SLC5A1: variants seen among roughly 807,000 people sequenced by gnomAD.
The protein encoded by SLC5A1 is solute carrier family 5 member 1, also known as sodium/glucose cotransporter 1.
A neutral mutation model predicts 73.5 loss-of-function variants in SLC5A1; 42 were observed. The ratio of observed to expected loss-of-function variants is 0.57; its 90% CI spans 0.45 to 0.74. The LOEUF (loss-of-function observed/expected upper bound fraction) is 0.74, where lower values mean the gene tolerates loss of function less well. SLC5A1 is among the 30% of genes least tolerant of loss of function. The probability of loss-of-function intolerance (pLI) is 0.00; values close to 1 mark genes in which losing one functional copy is unlikely to be tolerated. For synonymous variants in SLC5A1, 300 were observed against 317.4 expected, an observed-to-expected ratio of 0.95 and a Z score of 0.58; for missense variants, 634 against 855.4, an observed-to-expected ratio of 0.74 and a Z score of 3.23.
rs138720530 is a variant in SLC5A1 at position 32,109,335 on chromosome 22, G to A, written c.1772-655G>A. Among the ~76,000 whole-genome samples, 493 of 152,254 alleles carry A rather than the reference G, an allele frequency of 3.2e-3. 2 individuals are homozygous for A. Among genetic ancestry groups the A allele is most frequent in the Non-Finnish European group, 5.5e-3 (375 of 68,002 alleles). On this transcript the variant is annotated intron_variant, in intron 14 of 14. Transcript: ENST00000266088. ...TTGTCTACCTCCAGGGCCACGCCTG[G>A]GCTCAGAGGAGGGAATCAGTTCCCT...
chr22:32,080,553 G>A (rs564210618), intron 5 of SLC5A1, among the ~76,000 whole-genome samples: 1 of 152,284 alleles, frequency 6.6e-6, no homozygotes, highest in Admixed American at 6.5e-5. Flanking sequence ...GATGTGAGAA[G>A]TAAGAGTCCA....
At chr22:32,082,329 C>G (rs1003312897) in intron 6 of SLC5A1, among the ~76,000 whole-genome samples, 6 of 152,052 alleles carry the variant, frequency 3.9e-5, no homozygotes, top group Non-Finnish European at 7.4e-5. Context: ...CGCAGATGCT[C>G]TTGGCTGGAG....
At chr22:32,062,200 T>G (rs926938271) in intron 2 of SLC5A1, among the ~76,000 whole-genome samples, 2 of 152,178 alleles carry the variant, frequency 1.3e-5, no homozygotes, top group African/African-American at 4.8e-5. Flanking sequence ...GAGGTATGCA[T>G]TAAGAACTGA....
chr22:32,050,716 G>T (rs920170117), intron 2 of SLC5A1, among the ~76,000 whole-genome samples: 16 of 152,332 alleles, frequency 1.1e-4, no homozygotes, highest in Admixed American at 1.0e-3. Context: ...GTGTTGGCTT[G>T]AGGATAGAAG....
intron 13 of SLC5A1, among the ~76,000 whole-genome samples, chr22:32,103,857 G>A (rs544852329): frequency 6.6e-6 from 1 of 152,216 alleles, no homozygotes; most frequent in Non-Finnish European, 1.5e-5. Context: ...TGCCCCCATT[G>A]GTTTAGAATT....
At chr22:32,076,666 A>G (rs147870172) in intron 5 of SLC5A1, among the ~76,000 whole-genome samples, 16 of 152,358 alleles carry the variant, frequency 1.1e-4, no homozygotes, top group South Asian at 2.1e-4. Flanking sequence ...GGGCTTCACC[A>G]TCTGAAACTG....
At chr22:32,088,509 T>C (rs1413527546) in intron 10 of SLC5A1, among the ~76,000 whole-genome samples, 1 of 152,000 alleles carries the variant, frequency 6.6e-6, no homozygotes, top group Non-Finnish European at 1.5e-5. Context: ...GCTAATTTTT[T>C]TGTATTTTTA....
rs73391043 is a variant in SLC5A1, at chr22:32,074,471, C to T, written c.477+5871C>T. Among the ~76,000 whole-genome samples, 860 of 152,166 alleles carry T rather than the reference C, an allele frequency of 5.7e-3. 5 individuals are homozygous for T. The highest frequency in any genetic ancestry group is 0.015 in the African/African-American group (631 of 41,526). On this transcript the variant is annotated intron_variant, in intron 5 of 14. Transcript: ENST00000266088. ...CCCTCTCTGTGTGATTTTTGAGGCTCCTTACCCTCGTCACCCTCCTGCTCA... is the reference window on the plus strand; with the variant it reads ...CCCTCTCTGTGTGATTTTTGAGGCTTCTTACCCTCGTCACCCTCCTGCTCA...
In SLC5A1 at chr22:32,109,987, C is replaced by T; in HGVS notation, c.1772-3C>T. The T allele has an allele frequency of 3.7e-6, 6 of 1,613,500 alleles. No homozygotes were observed. Among genetic ancestry groups the T allele is most frequent in the Non-Finnish European group, 5.1e-6 (6 of 1,179,552 alleles). On this transcript the variant is annotated splice_region_variant and splice_polypyrimidine_tract_variant and intron_variant, in intron 14 of 14. Transcript: ENST00000266088. Reference sequence around the variant, plus strand: ...CCAATAATTCTTCTATGCCTTTGCCCAGAAACACAAGTTCCTGAGAAGAAA... The same window carrying T: ...CCAATAATTCTTCTATGCCTTTGCCTAGAAACACAAGTTCCTGAGAAGAAA...
intron 1 of SLC5A1, among the ~76,000 whole-genome samples, chr22:32,047,690 C>T (rs2093938947): frequency 6.6e-6 from 1 of 152,168 alleles, no homozygotes; most frequent in Non-Finnish European, 1.5e-5. Flanking sequence ...TCCTAAAGGA[C>T]TAAGTTCAAT....
chr22:32,110,099 C>T lies in SLC5A1; in HGVS notation c.1881C>T (p.Ala627=). 6.2e-7 allele frequency: 1 copy of T among 1,614,020 alleles called. No homozygotes were observed. Among genetic ancestry groups the T allele is most frequent in the Non-Finnish European group, 8.5e-7 (1 of 1,179,892 alleles). ...APKMTEEEEK[A]MKMKMTDTSE... ...AGATGACTGAGGAAGAGGAGAAAGC[C>T]ATGAAGATGAAGATGACGGACACCT... The change falls in exon 15 of 15, where the codon GCC becomes GCT. Residue 627 remains alanine (A), a synonymous_variant. Transcript: ENST00000266088.
intron 10 of SLC5A1, 122 bp from the exon 11 acceptor site, chr22:32,091,490 C>T: frequency 8.9e-7 from 1 of 1,126,668 alleles, no homozygotes; most frequent in Non-Finnish European, 1.3e-6. Flanking sequence ...TTTTTGGAGA[C>T]AGAAATTGGA....
intron 10 of SLC5A1, among the ~76,000 whole-genome samples, chr22:32,089,483 T>G (rs1269028844): frequency 6.6e-6 from 1 of 152,184 alleles, no homozygotes; most frequent in Non-Finnish European, 1.5e-5. Context: ...GAGGTATAAG[T>G]AAAGTTCTAA....
At chr22:32,049,185 ATAT>A (rs2093941750) in intron 1 of SLC5A1, among the ~76,000 whole-genome samples, 1 of 29,228 alleles carries the variant, frequency 3.4e-5, no homozygotes, top group African/African-American at 5.4e-5. Context: ...ATCTATATCT[ATAT>A]CTATATCTAT....
Position 32,099,268 on chromosome 22 carries a change from A to T in SLC5A1, c.1366A>T (p.Ile456Phe). ...SAQSGQLFDY[I>F]QSITSYLGPP... is the part of the protein sequence containing the mutation. ...ACAAAGTGGGCAACTCTTCGATTAC[A>T]TCCAGTCCATCACCAGTTACTTGGG... The change falls in exon 12 of 15, where the codon ATC becomes TTC. Residue 456 changes from isoleucine to phenylalanine, a missense_variant. Around this residue, in one of 3 missense-constraint regions of SLC5A1, gnomAD observed 422 missense variants for 626.1 expected, o/e 0.67. Coordinates refer to ENST00000266088, the MANE Select transcript of SLC5A1 (RefSeq NM_000343.4). The T allele has an allele frequency of 6.2e-7, 1 of 1,613,708 alleles. No individual in the cohort carries two copies. The highest frequency in any genetic ancestry group is 8.5e-7 in the Non-Finnish European group (1 of 1,179,896).
intron 1 of SLC5A1, among the ~76,000 whole-genome samples, chr22:32,044,486 A>C (rs1444933158): frequency 2.0e-5 from 3 of 151,490 alleles, no homozygotes; most frequent in Non-Finnish European, 4.4e-5. Context: ...TTCTGTGGAC[A>C]CAGAGCTTTT....
chr22:32,050,900 T>C (rs1359155334), intron 2 of SLC5A1, among the ~76,000 whole-genome samples: 2 of 152,214 alleles, frequency 1.3e-5, no homozygotes, highest in Non-Finnish European at 2.9e-5. Context: ...TACGTAACTG[T>C]GGGCTGGTTG....
At position 32,084,673 on chromosome 22, in the gene SLC5A1, A is replaced by G. The variant is rs963083163; in HGVS notation, c.885+14A>G. 6.2e-7 allele frequency: 1 copy of G among 1,604,080 alleles called. No homozygotes were observed. Among genetic ancestry groups the G allele is most frequent in the African/African-American group, 1.3e-5 (1 of 74,824 alleles). On this transcript the variant is annotated intron_variant, in intron 8 of 14. Transcript: ENST00000266088. ...TGCACAGATCAGGTACCCAAGCTGG[A>G]TGTGCGGGATGGACAGAGTCTTCTC... is the stretch of plus-strand genomic sequence containing the variant.
intron 1 of SLC5A1, among the ~76,000 whole-genome samples, chr22:32,046,595 A>T (rs1031494969): frequency 2.6e-5 from 4 of 152,162 alleles, no homozygotes; most frequent in African/African-American, 9.7e-5. Context: ...TATGTGGGCC[A>T]CACCAAGCAT....
Sources: allele counts gnomAD v4.1 joint callset (sites outside exome capture counted in the v4.1 genomes callset), GRCh38; gene constraint gnomAD v4.1.1; regional missense constraint gnomAD v4.1.1; transcripts MANE v1.5; gene names NCBI Gene and HGNC (gene_info 2026-07-23, HGNC 2026-07-21).